KCNJ6: variants seen among roughly 807,000 people sequenced by gnomAD.
KCNJ6 encodes the protein potassium inwardly rectifying channel subfamily J member 6, also known as G protein-activated inward rectifier potassium channel 2.
A neutral mutation model predicts 34.2 loss-of-function variants in KCNJ6; 9 were observed. The ratio of observed to expected loss-of-function variants is 0.26; its 90% CI spans 0.16 to 0.46. KCNJ6 has a LOEUF of 0.46. KCNJ6 is among the 20% of genes least tolerant of loss of function. KCNJ6 has a pLI of 1.00. For missense variants in KCNJ6, 236 were observed against 531.3 expected (o/e 0.44, Z 5.46); for synonymous variants, 196 against 207.1 (o/e 0.95, Z 0.46).
chr21:37,864,360 C>T (rs929091609), intron 1 of KCNJ6, among the ~76,000 whole-genome samples: 5 of 152,150 alleles, frequency 3.3e-5, no homozygotes, highest in Non-Finnish European at 7.4e-5. Flanking sequence ...AGCCACCTGC[C>T]TCAGCCTCCC....
chr21:37,747,845 T>TA (rs1206479826), intron 2 of KCNJ6, among the ~76,000 whole-genome samples: 1 of 152,244 alleles, frequency 6.6e-6, no homozygotes, highest in Non-Finnish European at 1.5e-5. Flanking sequence ...GTTAGACTTC[T>TA]AACCCGCAGA....
intron 2 of KCNJ6, among the ~76,000 whole-genome samples, chr21:37,828,387 C>T (rs989912870): frequency 8.5e-5 from 13 of 152,176 alleles, no homozygotes; most frequent in African/African-American, 3.1e-4. Flanking sequence ...GCACTGGAAG[C>T]CAGGGTGCTT....
chr21:37,879,296 A>G (rs1342658653), intron 1 of KCNJ6, among the ~76,000 whole-genome samples: 2 of 152,166 alleles, frequency 1.3e-5, no homozygotes, highest in Non-Finnish European at 2.9e-5. Context: ...GGACAGGGAA[A>G]GGTGGTGTGA....
chr21:37,848,502 A>G (rs1455779255), intron 1 of KCNJ6, among the ~76,000 whole-genome samples: 1 of 152,160 alleles, frequency 6.6e-6, no homozygotes, highest in Non-Finnish European at 1.5e-5. Context: ...CCTTAGCCTC[A>G]CCAGATAGCC....
At chr21:37,711,641 T>A (rs2054752736) in intron 3 of KCNJ6, among the ~76,000 whole-genome samples, 1 of 152,208 alleles carries the variant, frequency 6.6e-6, no homozygotes, top group South Asian at 2.1e-4. Context: ...GCCTGTTTAA[T>A]GCCCATAAAT....
chr21:37,659,617 TC>T (rs2054479177), intron 3 of KCNJ6, among the ~76,000 whole-genome samples: 1 of 152,098 alleles, frequency 6.6e-6, no homozygotes, highest in Non-Finnish European at 1.5e-5. Flanking sequence ...CTGCCTCAGA[TC>T]CCCCCGACCT....
intron 2 of KCNJ6, among the ~76,000 whole-genome samples, chr21:37,837,436 G>A (rs961548468): frequency 6.6e-6 from 1 of 152,206 alleles, no homozygotes; most frequent in African/African-American, 2.4e-5. Context: ...GGTGGTTGAT[G>A]AATGGCACGT....
At chr21:37,652,980 GA>G (rs1186172251) in intron 3 of KCNJ6, among the ~76,000 whole-genome samples, 1 of 152,166 alleles carries the variant, frequency 6.6e-6, no homozygotes, top group Non-Finnish European at 1.5e-5. Context: ...ACATTGAACA[GA>G]AAAATTACTG....
At chr21:37,626,972 A>C (rs1465138113) in intron 3 of KCNJ6, among the ~76,000 whole-genome samples, 1 of 152,192 alleles carries the variant, frequency 6.6e-6, no homozygotes, top group African/African-American at 2.4e-5. Context: ...TCCATTCAGG[A>C]GAGCAGCCAG....
intron 3 of KCNJ6, among the ~76,000 whole-genome samples, chr21:37,655,214 TGTGTGTGTGTGAGAGAGAGAGAGAGA>T (rs1413026588): frequency 0.045 from 3,270 of 72,214 alleles, 132 homozygotes; most frequent in Non-Finnish European, 0.069. Flanking sequence ...TGTGTGTGTG[TGTGTGTGTGTGAGAGAGAGAGAGAGA>T]GAGAGAGAGA....
chr21:37,900,412 C>T (rs527837567), intron 1 of KCNJ6, among the ~76,000 whole-genome samples: 47 of 152,310 alleles, frequency 3.1e-4, no homozygotes, highest in African/African-American at 1.1e-3. Context: ...ATGTGCAGGA[C>T]ATCAACTAGG....
chr21:37,738,499 T>C (rs1261152860), intron 2 of KCNJ6, among the ~76,000 whole-genome samples: 1 of 152,218 alleles, frequency 6.6e-6, no homozygotes, highest in East Asian at 1.9e-4. Context: ...TCTGCTCTTT[T>C]TTAGGGAAAA....
At position 37,621,257 on chromosome 21, in the gene KCNJ6, A is replaced by C. The variant is rs1175879478; in HGVS notation, c.*3902T>G. 6.6e-6 allele frequency: 1 copy of C among 152,230 alleles called. No individual in the cohort carries two copies. Among genetic ancestry groups the C allele is most frequent in the Non-Finnish European group, 1.5e-5 (1 of 68,034 alleles). The allele number at this position is 152,230 out of a possible 1,614,324, so 9.4% of individuals were successfully genotyped here. A position where few individuals can be genotyped will look rare whatever the true frequency, so the allele number is the denominator to read the frequency against. ...CCAGACTATTAGCAAACTGTTTTGG[A>C]AATGATTTACTATGAGTATTTTAAT... On this transcript the variant is annotated 3_prime_UTR_variant, in exon 4 of 4. Transcript: ENST00000609713.
chr21:37,629,318 GT>G (rs1470169972), intron 3 of KCNJ6, among the ~76,000 whole-genome samples: 1 of 152,040 alleles, frequency 6.6e-6, no homozygotes, highest in East Asian at 1.9e-4. Context: ...TGGTGGGTCT[GT>G]TTGTTGGGGG....
chr21:37,688,552 G>A (rs1171667335), intron 3 of KCNJ6, among the ~76,000 whole-genome samples: 5 of 152,322 alleles, frequency 3.3e-5, no homozygotes, highest in South Asian at 2.1e-4. Flanking sequence ...CAGGGCATGA[G>A]TGAAAGGGCT....
chr21:37,757,784 C>A (rs2673013), intron 2 of KCNJ6, among the ~76,000 whole-genome samples: 152,402 of 152,402 alleles, frequency 1, 76,201 homozygotes, highest in Non-Finnish European at 1. Context: ...GAGAAGAGAA[C>A]ACCATTTTGA....
chr21:37,725,652 T>C (rs1411769177), intron 2 of KCNJ6, among the ~76,000 whole-genome samples: 4 of 152,154 alleles, frequency 2.6e-5, no homozygotes, highest in Non-Finnish European at 5.9e-5. Context: ...GACTGACAAT[T>C]GAGGGTCATT....
intron 3 of KCNJ6, among the ~76,000 whole-genome samples, chr21:37,645,186 C>T (rs527961800): frequency 1.9e-4 from 29 of 151,854 alleles, no homozygotes; most frequent in African/African-American, 5.3e-4. Flanking sequence ...CCAGCCTGGG[C>T]GACATAAAGA....
chr21:37,661,520 T>C (rs1364563559), intron 3 of KCNJ6, among the ~76,000 whole-genome samples: 2 of 151,300 alleles, frequency 1.3e-5, no homozygotes, highest in Non-Finnish European at 2.9e-5. Flanking sequence ...ACAGAAGTAA[T>C]GCTGAATCCT....
Sources: allele counts gnomAD v4.1 joint callset (sites outside exome capture counted in the v4.1 genomes callset), GRCh38; gene constraint gnomAD v4.1.1; transcripts MANE v1.5; gene names NCBI Gene and HGNC (gene_info 2026-07-23, HGNC 2026-07-21).